Variants in TNPO1 observed in about 807,000 individuals in gnomAD.
TNPO1 encodes transportin-1.
TNPO1 carries 8 observed loss-of-function variants against 119.5 expected under a neutral mutation model. The ratio of observed to expected loss-of-function variants is 0.07; its 90% CI spans 0.04 to 0.12. TNPO1 has a LOEUF of 0.12. TNPO1 is among the 10% of genes least tolerant of loss of function. The probability of loss-of-function intolerance (pLI) is 1.00; values close to 1 mark genes in which losing one functional copy is unlikely to be tolerated. For synonymous variants in TNPO1, 362 were observed against 363.0 expected (o/e 1.00, Z 0.03); for missense variants, 576 against 1,089.8 (o/e 0.53, Z 6.64).
intron 8 of TNPO1, among the ~76,000 whole-genome samples, chr5:72,876,946 T>A (rs1278184765): frequency 1.3e-5 from 2 of 151,622 alleles, no homozygotes; most frequent in Non-Finnish European, 2.9e-5. Flanking sequence ...TACAAAAAAA[T>A]TAGCCGGGTG....
chr5:72,844,702 T>TTAGATTAATTAACTTGCCCA (rs1183084596), intron 1 of TNPO1, among the ~76,000 whole-genome samples: 4 of 152,214 alleles, frequency 2.6e-5, no homozygotes, highest in African/African-American at 9.7e-5. Context: ...AAACTAAGAC[T>TTAGATTAATTAACTTGCCCA]TAGATTAATT....
intron 6 of TNPO1, among the ~76,000 whole-genome samples, chr5:72,866,370 T>TCTCCAGGAAAC (rs1248435778): frequency 6.6e-6 from 1 of 152,194 alleles, no homozygotes; most frequent in East Asian, 1.9e-4. Context: ...GGAGTTCACG[T>TCTCCAGGAAAC]TTCCAGGAAG....
chr5:72,906,275 CTTTTTTTTTTTTTTTTTTTTTTTT>C lies in TNPO1; in HGVS notation c.*35+845_*35+868del, dbSNP rs869051297. Among the ~76,000 whole-genome samples, 30 of 54,702 alleles carry C rather than the reference CTTTTTTTTTTTTTTTTTTTTTTTT, an allele frequency of 5.5e-4. 2 individuals are homozygous for C. The South Asian group carries it at 8.7e-3, about 16-fold the overall frequency. 35.9% of individuals were successfully genotyped at this position (54,702 alleles called of 152,430 possible). Reference sequence around the variant, plus strand: ...CCATGTGCCCATCACTTTTTTTTTTCTTTTTTTTTTTTTTTTTTTTTTTTTTTTTTTTTTTTTTGAGACAGAGAC... The same window carrying C: ...CCATGTGCCCATCACTTTTTTTTTTCTTTTTTTTTTTTTTGAGACAGAGAC... On this transcript the variant is annotated intron_variant, in intron 24 of 24. Transcript: ENST00000337273.
chr5:72,909,028 A>G lies in TNPO1; in HGVS notation c.*355A>G, dbSNP rs1750374503. The G allele has an allele frequency of 9.7e-6, 3 of 310,090 alleles. No homozygotes were observed. Among genetic ancestry groups the G allele is most frequent in the Non-Finnish European group, 2.0e-5 (3 of 152,146 alleles). 19.2% of individuals were successfully genotyped at this position (310,090 alleles called of 1,614,324 possible). The stretch of plus-strand genomic sequence containing the variant: ...GGGGAATTGTACCAAAACAAGAACC[A>G]TATAAATGATGCCTAGGGACAAGAA... On this transcript the variant is annotated 3_prime_UTR_variant, in exon 25 of 25. Coordinates refer to ENST00000337273, the MANE Select transcript of TNPO1 (RefSeq NM_002270.4).
chr5:72,843,987 A>G (rs1327866950), intron 1 of TNPO1, among the ~76,000 whole-genome samples: 5 of 152,208 alleles, frequency 3.3e-5, no homozygotes, highest in Non-Finnish European at 5.9e-5. Context: ...TGAATCTCCA[A>G]AATTCACTGA....
At chr5:72,891,947 TC>T (rs763434066) in intron 15 of TNPO1, 51 bp downstream of exon 15, 6 of 1,394,882 alleles carry the variant, frequency 4.3e-6, no homozygotes, top group Non-Finnish European at 6.0e-6. Context: ...CATGTTCAAA[TC>T]CAAAATGGGT....
intron 4 of TNPO1, 52 bp from the exon 5 acceptor site, chr5:72,861,756 A>G (rs1311962825): frequency 1.5e-6 from 2 of 1,295,698 alleles, no homozygotes; most frequent in African/African-American, 1.5e-5. Flanking sequence ...TCACATGGCA[A>G]TGCCTGACAT....
rs535786794 is a variant in TNPO1 at position 72,824,058 on chromosome 5, A to G, written c.15+7306A>G. ...ACATACCTCTGGCACTCTATTTATGAAAGGGTCTGCGCAGCATCTGCTCAG... is the reference window on the plus strand; with the variant it reads ...ACATACCTCTGGCACTCTATTTATGGAAGGGTCTGCGCAGCATCTGCTCAG... On this transcript the variant is annotated intron_variant, in intron 1 of 24. Coordinates refer to ENST00000337273, the MANE Select transcript of TNPO1 (RefSeq NM_002270.4). Among the ~76,000 whole-genome samples, 3 of 152,274 alleles carry G rather than the reference A, an allele frequency of 2.0e-5. No individual in the cohort carries two copies. In the East Asian group the frequency reaches 5.8e-4, roughly 29 times the overall value.
chr5:72,876,015 T>C (rs1460936836), intron 8 of TNPO1, among the ~76,000 whole-genome samples: 1 of 152,150 alleles, frequency 6.6e-6, no homozygotes, highest in Non-Finnish European at 1.5e-5. Flanking sequence ...AAGGTTGCAG[T>C]CTAAGATCTG....
At chr5:72,887,343 T>C in intron 12 of TNPO1, 121 bp downstream of exon 12, 1 of 1,130,622 alleles carries the variant, frequency 8.8e-7, no homozygotes, top group Non-Finnish European at 1.2e-6. Context: ...TAAACAGCCA[T>C]AGGCCGTCTT....
At chr5:72,891,961 A>T in intron 15 of TNPO1, 65 bp downstream of exon 15, 1 of 1,215,022 alleles carries the variant, frequency 8.2e-7, no homozygotes, top group South Asian at 1.4e-5. Flanking sequence ...AAATGGGTAT[A>T]TATGATAAGA....
At chr5:72,907,225 G>A (rs183354114) in intron 24 of TNPO1, among the ~76,000 whole-genome samples, 29 of 152,232 alleles carry the variant, frequency 1.9e-4, no homozygotes, top group Admixed American at 1.7e-3. Flanking sequence ...TTATGAGAAT[G>A]CAAAAGATGA....
Position 72,893,258 on chromosome 5 carries a change from A to T in TNPO1, c.1896+12A>T, listed in dbSNP as rs749764379. On this transcript the variant is annotated intron_variant, in intron 16 of 24. Coordinates refer to ENST00000337273, the MANE Select transcript of TNPO1 (RefSeq NM_002270.4). ...TTGCACAAGCCATGGTAATTTTTTT[A>T]AAATGTCTTCCTCTTCTTGACATGG... The T allele has an allele frequency of 1.2e-5, 20 of 1,611,236 alleles. No individual in the cohort carries two copies. Among genetic ancestry groups the T allele is most frequent in the African/African-American group, 2.7e-5 (2 of 74,800 alleles).
chr5:72,837,807 G>A (rs1744749670), intron 1 of TNPO1, among the ~76,000 whole-genome samples: 1 of 152,116 alleles, frequency 6.6e-6, no homozygotes, highest in African/African-American at 2.4e-5. Context: ...TTTCACAGAT[G>A]ACTAAACTGT....
intron 14 of TNPO1, 63 bp downstream of exon 14, chr5:72,890,020 A>G (rs1748931217): frequency 3.2e-6 from 5 of 1,543,028 alleles, no homozygotes. Flanking sequence ...TTAATAGATT[A>G]GCATATATTT....
At chr5:72,867,144 C>T (rs1418010590) in intron 6 of TNPO1, among the ~76,000 whole-genome samples, 1 of 149,434 alleles carries the variant, frequency 6.7e-6, no homozygotes, top group Non-Finnish European at 1.5e-5. Flanking sequence ...GTGCTCTAGC[C>T]TGAGTGATGG....
intron 11 of TNPO1, 63 bp from the exon 12 acceptor site, chr5:72,887,007 C>T (rs1748701858): frequency 1.5e-6 from 2 of 1,342,086 alleles, no homozygotes; most frequent in Non-Finnish European, 2.0e-6. Flanking sequence ...GTTACATATA[C>T]AATAAATAAT....
At chr5:72,827,758 T>A (rs74441930) in intron 1 of TNPO1, among the ~76,000 whole-genome samples, 2,736 of 148,042 alleles carry the variant, frequency 0.018, 31 homozygotes, top group African/African-American at 0.03. Context: ...CACAAAAAAA[T>A]TTTTTTTTTA....
At chr5:72,838,419 C>G (rs1248632093) in intron 1 of TNPO1, among the ~76,000 whole-genome samples, 1 of 152,126 alleles carries the variant, frequency 6.6e-6, no homozygotes, top group African/African-American at 2.4e-5. Flanking sequence ...TTAGGTATGT[C>G]TCACTTTATT....
Sources: gnomAD v4.1 joint callset for allele counts (sites outside exome capture counted in the v4.1 genomes callset) on GRCh38, gnomAD v4.1.1 for gene constraint, MANE v1.5 for transcripts, NCBI Gene and HGNC (gene_info 2026-07-23, HGNC 2026-07-21) for gene names.